The following CD9 variants were observed in gnomAD, a reference collection of about 807,000 sequenced individuals.
CD9 encodes CD9 antigen.
Under a neutral mutation model 31.4 loss-of-function variants are expected in CD9, and 10 were observed. That is an observed-to-expected ratio of 0.32 (90% CI 0.20 to 0.54). The LOEUF (loss-of-function observed/expected upper bound fraction) is 0.54. CD9 is among the 20% of genes least tolerant of loss of function. The pLI, the probability that CD9 is intolerant of heterozygous loss-of-function variation, is 0.94. For synonymous variants in CD9, 113 were observed against 114.1 expected (o/e 0.99, Z 0.06); for missense variants, 259 against 300.1 (o/e 0.86, Z 1.01).
chr12:6,216,717 C>A (rs1946246523), intron 1 of CD9, among the ~76,000 whole-genome samples: 1 of 152,102 alleles, frequency 6.6e-6, no homozygotes, highest in Admixed American at 6.5e-5. Flanking sequence ...CCATTTTCCT[C>A]CACTACCCAG....
chr12:6,234,687 T>C (rs1471436897), intron 4 of CD9, among the ~76,000 whole-genome samples: 1 of 152,196 alleles, frequency 6.6e-6, no homozygotes, highest in African/African-American at 2.4e-5. Context: ...TATGATACAA[T>C]AGCTGGCACG....
chr12:6,236,389 G>A (rs1017579568), intron 7 of CD9, 114 bp downstream of exon 7: 13 of 877,056 alleles, frequency 1.5e-5, no homozygotes, highest in East Asian at 2.6e-5. Context: ...CTTTGTCCTC[G>A]TGCCCTTAGT....
At chr12:6,214,715 C>T (rs796919357) in intron 1 of CD9, among the ~76,000 whole-genome samples, 8 of 152,200 alleles carry the variant, frequency 5.3e-5, no homozygotes, top group African/African-American at 1.9e-4. Flanking sequence ...AGTCCAGTCT[C>T]ATGCATAACA....
intron 1 of CD9, among the ~76,000 whole-genome samples, chr12:6,218,590 G>T (rs1041553440): frequency 6.6e-6 from 1 of 152,238 alleles, no homozygotes; most frequent in Non-Finnish European, 1.5e-5. Flanking sequence ...AGAGCAGCCA[G>T]GTGCCCCTAA....
Position 6,229,677 on chromosome 12 carries a change from G to A in CD9, c.176-2955G>A, listed in dbSNP as rs151127825. 2.0e-5 allele frequency among the ~76,000 whole-genome samples: 3 copies of A among 152,218 alleles called. No individual in the cohort carries two copies. In the East Asian group the frequency reaches 5.8e-4, roughly 29 times the overall value. On this transcript the variant is annotated intron_variant, in intron 2 of 7. Transcript: ENST00000009180. ...ACGGGCGTGGTGAGTGCTGTTTGCA[G>A]GACAGAGCTGGTGTAGGGACGGGAG...
rs1316891920 is a variant in CD9 at position 6,237,962 on chromosome 12, A to T, written c.*134A>T. 1 of 603,502 alleles carries T rather than the reference A, an allele frequency of 1.7e-6. No individual in the cohort carries two copies. The highest frequency in any genetic ancestry group is 3.0e-6 in the Non-Finnish European group (1 of 335,004). 37.4% of individuals were successfully genotyped at this position (603,502 alleles called of 1,614,324 possible). A position where few individuals can be genotyped will look rare whatever the true frequency, so the allele number is the denominator to read the frequency against. On this transcript the variant is annotated 3_prime_UTR_variant, in exon 8 of 8. Coordinates refer to ENST00000009180, the MANE Select transcript of CD9 (RefSeq NM_001769.4). Reference sequence around the variant, plus strand: ...ATTTTAGTATTCATTCTGCATTGCTAGATAAAAGCTGAAGTTACTTTATGT... The same window carrying T: ...ATTTTAGTATTCATTCTGCATTGCTTGATAAAAGCTGAAGTTACTTTATGT...
chr12:6,233,022 C>A, intron 3 of CD9: 1 of 702,328 alleles, frequency 1.4e-6, no homozygotes, highest in Non-Finnish European at 2.6e-6. Flanking sequence ...TTGCCTTCTC[C>A]TTCTTGTTTC....
Position 6,232,629 on chromosome 12 carries a change from C to G in CD9, c.176-3C>G. On this transcript the variant is annotated splice_region_variant and splice_polypyrimidine_tract_variant and intron_variant, in intron 2 of 7. Coordinates refer to ENST00000009180, the MANE Select transcript of CD9 (RefSeq NM_001769.4). This position sits in a 1 kb window ranked among gnomAD's most constrained non-coding sequence, Gnocchi z 4.8. ...CGTGTGTGCTTCCTCTGTCCTCCCG[C>G]AGGAGTCTATATTCTGATCGGAGCC... 1.9e-6 allele frequency: 3 copies of G among 1,559,696 alleles called. No homozygotes were observed. The highest frequency in any genetic ancestry group is 2.6e-6 in the Non-Finnish European group (3 of 1,151,926).
intron 1 of CD9, among the ~76,000 whole-genome samples, chr12:6,215,683 A>G (rs1434682599): frequency 1.3e-5 from 2 of 152,206 alleles, no homozygotes; most frequent in Non-Finnish European, 2.9e-5. Flanking sequence ...GATGCGCCTG[A>G]CCAACCAGTC....
intron 1 of CD9, among the ~76,000 whole-genome samples, chr12:6,215,956 G>C (rs552422564): frequency 8.1e-4 from 123 of 152,344 alleles, no homozygotes; most frequent in African/African-American, 2.8e-3. Context: ...AAAGCCTCTA[G>C]TCCTGCCCAA....
At chr12:6,219,755 G>A (rs1158311842) in intron 1 of CD9, among the ~76,000 whole-genome samples, 1 of 152,172 alleles carries the variant, frequency 6.6e-6, no homozygotes, top group Non-Finnish European at 1.5e-5. Flanking sequence ...AAAGTGCTGG[G>A]ATGACAGGCA....
At chr12:6,203,488 G>A (rs894639830) in intron 1 of CD9, among the ~76,000 whole-genome samples, 1 of 152,194 alleles carries the variant, frequency 6.6e-6, no homozygotes, top group Non-Finnish European at 1.5e-5. Flanking sequence ...TGTCCAACAG[G>A]CATCCAGAGA....
chr12:6,204,518 T>A (rs11568201), intron 1 of CD9, among the ~76,000 whole-genome samples: 4 of 152,190 alleles, frequency 2.6e-5, no homozygotes, highest in Non-Finnish European at 4.4e-5. Flanking sequence ...TCTTTGCTGT[T>A]GCTTCTCAGT....
At chr12:6,221,277 A>G (rs1439580927) in intron 1 of CD9, among the ~76,000 whole-genome samples, 3 of 152,212 alleles carry the variant, frequency 2.0e-5, no homozygotes, top group Non-Finnish European at 4.4e-5. Flanking sequence ...TTTCTTGGAA[A>G]CAAAAGAGGA....
At chr12:6,215,239 C>T (rs1398443574) in intron 1 of CD9, among the ~76,000 whole-genome samples, 1 of 152,230 alleles carries the variant, frequency 6.6e-6, no homozygotes, top group Non-Finnish European at 1.5e-5. Context: ...GCTCACACCT[C>T]CCATCCATGC....
At chr12:6,224,681 G>A (rs952494809) in intron 1 of CD9, among the ~76,000 whole-genome samples, 2 of 152,158 alleles carry the variant, frequency 1.3e-5, no homozygotes, top group Non-Finnish European at 2.9e-5. Flanking sequence ...TCACTCCCCC[G>A]GCAAGCCCTG....
chr12:6,233,510 T>G, intron 4 of CD9, 24 bp downstream of exon 4: 2 of 1,564,196 alleles, frequency 1.3e-6, no homozygotes, highest in Non-Finnish European at 1.8e-6. Context: ...ATGAGATCTC[T>G]TGGGTTTGGG....
At chr12:6,206,439 G>T (rs1245435826) in intron 1 of CD9, among the ~76,000 whole-genome samples, 1 of 152,034 alleles carries the variant, frequency 6.6e-6, no homozygotes, top group African/African-American at 2.4e-5. Flanking sequence ...GCCCAGGCTG[G>T]TCTCAAACTC....
At chr12:6,230,061 A>G (rs1474154669) in intron 2 of CD9, among the ~76,000 whole-genome samples, 1 of 152,194 alleles carries the variant, frequency 6.6e-6, no homozygotes, top group African/African-American at 2.4e-5. Flanking sequence ...AAAGGGAAGC[A>G]CTGAATAGCC....
Sources: allele counts gnomAD v4.1 joint callset (sites outside exome capture counted in the v4.1 genomes callset), GRCh38; gene constraint gnomAD v4.1.1; non-coding constraint Gnocchi (gnomAD v3.1); transcripts MANE v1.5; gene names NCBI Gene and HGNC (gene_info 2026-07-23, HGNC 2026-07-21).